The following TRAPPC9 variants were observed in gnomAD, a reference collection of about 807,000 sequenced individuals.
TRAPPC9 encodes IKK2 binding protein.
In TRAPPC9, 83 loss-of-function variants were observed where a neutral mutation model predicts 124.0. That is an observed-to-expected ratio of 0.67 (90% CI 0.56 to 0.80). The LOEUF is 0.80. Ranked by LOEUF, TRAPPC9 falls within the 30% of genes least tolerant of loss-of-function variation. The pLI, the probability that TRAPPC9 is intolerant of heterozygous loss-of-function variation, is 0.00. For synonymous variants in TRAPPC9, 638 were observed against 617.5 expected, an observed-to-expected ratio of 1.03 and a Z score of -0.49; for missense variants, 1,302 against 1,508.3, an observed-to-expected ratio of 0.86 and a Z score of 2.27.
intron 2 of TRAPPC9, among the ~76,000 whole-genome samples, chr8:140,448,139 C>A (rs2071333040): frequency 4.2e-5 from 5 of 118,660 alleles, no homozygotes; most frequent in Admixed American, 3.6e-4. Flanking sequence ...GAGCAAGACA[C>A]CATCTCAAAA....
chr8:140,020,951 T>C (rs1014271864), intron 18 of TRAPPC9, among the ~76,000 whole-genome samples: 1 of 152,230 alleles, frequency 6.6e-6, no homozygotes, highest in African/African-American at 2.4e-5. Flanking sequence ...AACTAAATAA[T>C]TGTCTTTATG....
At chr8:140,195,930 A>T (rs11778172) in intron 17 of TRAPPC9, among the ~76,000 whole-genome samples, 1 of 20,602 alleles carries the variant, frequency 4.9e-5, no homozygotes, top group African/African-American at 1.3e-4. Context: ...ACGATCCACC[A>T]TACAGATCAC....
intron 19 of TRAPPC9, among the ~76,000 whole-genome samples, chr8:139,956,611 C>G (rs1835005911): frequency 6.6e-6 from 1 of 152,224 alleles, no homozygotes; most frequent in Non-Finnish European, 1.5e-5. Context: ...CCAATCAGGA[C>G]AGGCCCTTCT....
At chr8:139,884,458 C>G (rs142144876) in intron 21 of TRAPPC9, among the ~76,000 whole-genome samples, 1 of 152,196 alleles carries the variant, frequency 6.6e-6, no homozygotes, top group African/African-American at 2.4e-5. Context: ...GCTCTTGGGC[C>G]CCTGTTCTGC....
chr8:139,918,418 T>G (rs1220515811), intron 19 of TRAPPC9, among the ~76,000 whole-genome samples: 1 of 152,258 alleles, frequency 6.6e-6, no homozygotes, highest in African/African-American at 2.4e-5. Context: ...TCTCATTTTA[T>G]GCTTACGGAG....
At chr8:140,109,537 C>A (rs1047313098) in intron 17 of TRAPPC9, among the ~76,000 whole-genome samples, 1 of 151,920 alleles carries the variant, frequency 6.6e-6, no homozygotes, top group African/African-American at 2.4e-5. Flanking sequence ...AGCTGCATGA[C>A]CTTGAAAAAA....
At chr8:139,970,791 G>A (rs569807946) in intron 19 of TRAPPC9, among the ~76,000 whole-genome samples, 8 of 152,236 alleles carry the variant, frequency 5.3e-5, no homozygotes, top group African/African-American at 9.6e-5. Flanking sequence ...CCTGCAATGC[G>A]CAGCCCAGTG....
intron 21 of TRAPPC9, among the ~76,000 whole-genome samples, chr8:139,811,287 T>C (rs527695266): frequency 3.3e-5 from 5 of 152,136 alleles, no homozygotes; most frequent in African/African-American, 1.2e-4. Context: ...TTCTAAGAGA[T>C]AGGAAACAGC....
chr8:139,971,733 A>T (rs1836086132), intron 19 of TRAPPC9, among the ~76,000 whole-genome samples: 2 of 103,638 alleles, frequency 1.9e-5, no homozygotes, highest in Non-Finnish European at 4.4e-5. Context: ...ACACACACAC[A>T]CACACATATA....
chr8:139,851,097 C>T (rs969777248), intron 21 of TRAPPC9, among the ~76,000 whole-genome samples: 2 of 152,222 alleles, frequency 1.3e-5, no homozygotes, highest in Admixed American at 6.5e-5. Flanking sequence ...GGGTTCCTTA[C>T]ACACTGTTAC....
intron 19 of TRAPPC9, among the ~76,000 whole-genome samples, chr8:139,921,678 C>A (rs1832511145): frequency 6.7e-6 from 1 of 149,246 alleles, no homozygotes; most frequent in African/African-American, 2.5e-5. Flanking sequence ...GCCAGGTGGA[C>A]TAGTGCATGC....
chr8:140,090,682 C>T (rs1844509397), intron 17 of TRAPPC9, among the ~76,000 whole-genome samples: 1 of 152,242 alleles, frequency 6.6e-6, no homozygotes, highest in Non-Finnish European at 1.5e-5. Context: ...CCAAGTGTAC[C>T]CATCCCTGCT....
intron 18 of TRAPPC9, among the ~76,000 whole-genome samples, chr8:139,990,472 T>G (rs1018830467): frequency 3.9e-5 from 6 of 152,130 alleles, no homozygotes; most frequent in African/African-American, 9.7e-5. Flanking sequence ...CTCATACACA[T>G]GCACACACAA....
chr8:139,895,253 G>A (rs558017067), intron 20 of TRAPPC9, among the ~76,000 whole-genome samples: 17 of 152,302 alleles, frequency 1.1e-4, no homozygotes, highest in African/African-American at 2.9e-4. Context: ...GCATGCTCCC[G>A]CTTTGCGGTA....
chr8:140,093,004 A>G (rs922259129), intron 17 of TRAPPC9, among the ~76,000 whole-genome samples: 6 of 151,474 alleles, frequency 4.0e-5, no homozygotes, highest in Admixed American at 6.6e-5. Flanking sequence ...TACTTAGCAC[A>G]TGGCCTAATG....
At chr8:140,325,699 C>T (rs1397448293) in intron 9 of TRAPPC9, among the ~76,000 whole-genome samples, 1 of 152,222 alleles carries the variant, frequency 6.6e-6, no homozygotes, top group Non-Finnish European at 1.5e-5. Context: ...GAAATAATAT[C>T]AATCTCATAC....
At chr8:140,375,896 A>C (rs1029518767) in intron 7 of TRAPPC9, among the ~76,000 whole-genome samples, 3 of 152,178 alleles carry the variant, frequency 2.0e-5, no homozygotes, top group African/African-American at 7.2e-5. Context: ...AGAATGCCGG[A>C]TGGGAAACAG....
chr8:140,122,007 C>CTCTT (rs1020938546), intron 17 of TRAPPC9, among the ~76,000 whole-genome samples: 42 of 149,230 alleles, frequency 2.8e-4, no homozygotes, highest in African/African-American at 5.0e-4. Context: ...TGGAGTCCAT[C>CTCTT]TCTTTCTTTC....
At chr8:140,450,117 T>C (rs557793077) in intron 2 of TRAPPC9, among the ~76,000 whole-genome samples, 1 of 152,140 alleles carries the variant, frequency 6.6e-6, no homozygotes, top group Non-Finnish European at 1.5e-5. Flanking sequence ...TCCCAGCACT[T>C]TGGGAGGCCA....
Sources: allele counts gnomAD v4.1 joint callset (sites outside exome capture counted in the v4.1 genomes callset), GRCh38; gene constraint gnomAD v4.1.1; transcripts MANE v1.5; gene names NCBI Gene and HGNC (gene_info 2026-07-23, HGNC 2026-07-21).